The following ABTB3 variants were observed in gnomAD, a reference collection of about 807,000 sequenced individuals.
ABTB3 encodes ankyrin repeat and BTB domain containing 3.
chr12:107,502,696 C>G, the ABTB3 span, among the ~76,000 whole-genome samples: 1 of 152,028 alleles, frequency 6.6e-6, no homozygotes, highest in Non-Finnish European at 1.5e-5. Context: ...ACCTGAGTGC[C>G]GCCTCCTGTC....
At chr12:107,642,069 C>T in the ABTB3 span, 1 of 1,609,182 alleles carries the variant, frequency 6.2e-7, no homozygotes. Context: ...TTTTTTATCT[C>T]TTTTTTATGT....
chr12:107,619,638 G>T, the ABTB3 span, among the ~76,000 whole-genome samples: 1 of 152,124 alleles, frequency 6.6e-6, no homozygotes, highest in East Asian at 1.9e-4. Flanking sequence ...TCAGAATCCC[G>T]AAGTATGGAA....
chr12:107,324,459 G>T, the ABTB3 span, among the ~76,000 whole-genome samples: 13 of 152,028 alleles, frequency 8.6e-5, no homozygotes, highest in Admixed American at 3.9e-4. Flanking sequence ...TAAGATCTCA[G>T]CTCTACAAAA....
chr12:107,438,544 T>A, the ABTB3 span, among the ~76,000 whole-genome samples: 1 of 152,204 alleles, frequency 6.6e-6, no homozygotes, highest in Non-Finnish European at 1.5e-5. Context: ...GTTAGAATAT[T>A]CTTTACATGT....
At chr12:107,383,147 T>C in the ABTB3 span, among the ~76,000 whole-genome samples, 1 of 152,218 alleles carries the variant, frequency 6.6e-6, no homozygotes, top group African/African-American at 2.4e-5. Flanking sequence ...CAGCTTACTT[T>C]GCAGCTCTTC....
the ABTB3 span, among the ~76,000 whole-genome samples, chr12:107,638,562 G>T: frequency 1.3e-5 from 2 of 152,198 alleles, no homozygotes; most frequent in Admixed American, 1.3e-4. Flanking sequence ...AGGCTAAGAA[G>T]GTTCCCCGGG....
the ABTB3 span, among the ~76,000 whole-genome samples, chr12:107,389,845 T>TG: frequency 0.043 from 2,855 of 65,666 alleles, 73 homozygotes; most frequent in African/African-American, 0.13. Flanking sequence ...TGTGTGTGTG[T>TG]TTGTGTGTGT....
chr12:107,437,677 C>T, the ABTB3 span, among the ~76,000 whole-genome samples: 7 of 152,156 alleles, frequency 4.6e-5, no homozygotes, highest in African/African-American at 1.7e-4. Context: ...GCTGGAATCA[C>T]GGGTGTGAGC....
chr12:107,545,681 T>C, the ABTB3 span, among the ~76,000 whole-genome samples: 1 of 152,238 alleles, frequency 6.6e-6, no homozygotes, highest in African/African-American at 2.4e-5. Flanking sequence ...ACGTTGTGCA[T>C]ATTTTCACGT....
the ABTB3 span, among the ~76,000 whole-genome samples, chr12:107,491,960 T>C: frequency 6.6e-6 from 1 of 151,876 alleles, no homozygotes; most frequent in African/African-American, 2.4e-5. Context: ...GTCAGAGGGC[T>C]GCTGAGCAAG....
chr12:107,472,254 C>T, the ABTB3 span, among the ~76,000 whole-genome samples: 1 of 152,276 alleles, frequency 6.6e-6, no homozygotes, highest in Non-Finnish European at 1.5e-5. Flanking sequence ...TATGTGTACA[C>T]ATGAACCTTA....
the ABTB3 span, among the ~76,000 whole-genome samples, chr12:107,599,488 T>C: frequency 6.6e-6 from 1 of 151,852 alleles, no homozygotes; most frequent in Non-Finnish European, 1.5e-5. Context: ...AAATCAGCAT[T>C]ATTGTCTACT....
chr12:107,577,790 G>A, the ABTB3 span, among the ~76,000 whole-genome samples: 2 of 152,118 alleles, frequency 1.3e-5, no homozygotes, highest in Non-Finnish European at 2.9e-5. Context: ...TATTTAAAAT[G>A]CAGATGCCCA....
the ABTB3 span, among the ~76,000 whole-genome samples, chr12:107,495,633 G>T: frequency 6.6e-6 from 1 of 152,214 alleles, no homozygotes; most frequent in East Asian, 1.9e-4. Context: ...CTCAGGGCCT[G>T]CCCTCCATGA....
chr12:107,471,370 G>A, the ABTB3 span, among the ~76,000 whole-genome samples: 1 of 152,172 alleles, frequency 6.6e-6, no homozygotes, highest in African/African-American at 2.4e-5. Context: ...TAATCTTCCA[G>A]AATAGAAGTT....
the ABTB3 span, among the ~76,000 whole-genome samples, chr12:107,414,483 A>T: frequency 6.6e-6 from 1 of 152,192 alleles, no homozygotes; most frequent in Non-Finnish European, 1.5e-5. Flanking sequence ...CATGATAAGC[A>T]CAATCATTTG....
chr12:107,623,350 C>T, the ABTB3 span, among the ~76,000 whole-genome samples: 262 of 145,162 alleles, frequency 1.8e-3, 2 homozygotes, highest in Middle Eastern at 7.9e-3. Context: ...TGAGCCACCA[C>T]GCCTGGCCTT....
chr12:107,566,149 C>T, the ABTB3 span, among the ~76,000 whole-genome samples: 1 of 152,118 alleles, frequency 6.6e-6, no homozygotes, highest in Non-Finnish European at 1.5e-5. Flanking sequence ...CCAGAAATTG[C>T]CTCTTTTCCT....
the ABTB3 span, among the ~76,000 whole-genome samples, chr12:107,378,637 C>A: frequency 6.6e-6 from 1 of 152,126 alleles, no homozygotes; most frequent in East Asian, 1.9e-4. Context: ...CCCTTACGGC[C>A]CTCATTCCCC....
Sources: gnomAD v4.1 joint callset for allele counts (sites outside exome capture counted in the v4.1 genomes callset) on GRCh38, gnomAD v4.1.1 for gene constraint, MANE v1.5 for transcripts, NCBI Gene and HGNC (gene_info 2026-07-23, HGNC 2026-07-21) for gene names.